PROM1: variants seen among roughly 807,000 people sequenced by gnomAD.
The protein encoded by PROM1 is prominin 1.
A neutral mutation model predicts 116.9 loss-of-function variants in PROM1; 105 were observed. The observed-to-expected ratio is 0.90, with a 90% CI of 0.77 to 1.06. The LOEUF (loss-of-function observed/expected upper bound fraction) is 1.06, where lower values mean the gene tolerates loss of function less well. PROM1 is among the 50% of genes least tolerant of loss of function. The pLI is 0.00. For synonymous variants in PROM1, 393 were observed against 387.0 expected, an observed-to-expected ratio of 1.02 and a Z score of -0.18; for missense variants, 1,122 against 1,045.2, an observed-to-expected ratio of 1.07 and a Z score of -1.01.
intron 2 of PROM1, among the ~76,000 whole-genome samples, chr4:16,064,460 A>C (rs1741057337): frequency 6.6e-6 from 1 of 152,196 alleles, no homozygotes; most frequent in Non-Finnish European, 1.5e-5. Context: ...GGAGACAGTG[A>C]CCAGGTAACA....
chr4:16,022,079 G>A (rs1256580270), intron 8 of PROM1, among the ~76,000 whole-genome samples: 2 of 151,488 alleles, frequency 1.3e-5, no homozygotes, highest in Non-Finnish European at 2.9e-5. Flanking sequence ...AAGGAGTAGG[G>A]GAGAGAGGGA....
chr4:16,010,394 A>G (rs1342775451), intron 11 of PROM1, among the ~76,000 whole-genome samples: 1 of 152,258 alleles, frequency 6.6e-6, no homozygotes. Flanking sequence ...AGCAGCAGAG[A>G]GACAAGATTA....
chr4:16,004,832 T>TTCTTCCTTCCTTC (rs1203366908), intron 13 of PROM1, among the ~76,000 whole-genome samples: 11 of 122,612 alleles, frequency 9.0e-5, no homozygotes, highest in African/African-American at 3.3e-4. Flanking sequence ...TCTTTCTTTT[T>TTCTTCCTTCCTTC]CTTCCTTCCT....
chr4:15,969,389 A>G (rs1234406110), intron 27 of PROM1, 21 bp from the exon 28 acceptor site: 1 of 152,170 alleles, frequency 6.6e-6, no homozygotes, highest in African/African-American at 2.4e-5. Flanking sequence ...AGTTAAACAC[A>G]ATTTTAGAAA....
intron 2 of PROM1, among the ~76,000 whole-genome samples, chr4:16,048,286 T>C (rs1736987090): frequency 6.6e-6 from 1 of 152,178 alleles, no homozygotes; most frequent in Non-Finnish European, 1.5e-5. Context: ...ACTGAGCCTA[T>C]TTCCTTATGC....
intron 5 of PROM1, among the ~76,000 whole-genome samples, chr4:16,032,321 C>T (rs1229957852): frequency 6.6e-6 from 1 of 152,176 alleles, no homozygotes; most frequent in Non-Finnish European, 1.5e-5. Context: ...TCTTATCAGA[C>T]CCCTGCTGGT....
intron 14 of PROM1, among the ~76,000 whole-genome samples, chr4:15,999,867 G>A (rs183689786): frequency 2.6e-4 from 40 of 151,610 alleles, no homozygotes; most frequent in African/African-American, 9.4e-4. Context: ...ACACAGAAAA[G>A]CCACAATTAG....
At chr4:16,024,416 G>T in intron 6 of PROM1, 58 bp from the exon 7 acceptor site, 2 of 1,396,226 alleles carry the variant, frequency 1.4e-6, no homozygotes, top group Non-Finnish European at 9.8e-7. Flanking sequence ...CAATAAGAGG[G>T]CAAAAAGAGA....
At chr4:16,024,538 C>T (rs1730751870) in intron 6 of PROM1, among the ~76,000 whole-genome samples, 180 bp from the exon 7 acceptor site, 1 of 152,214 alleles carries the variant, frequency 6.6e-6, no homozygotes, top group African/African-American at 2.4e-5. Context: ...CACATTTAGG[C>T]TGCTTCCTGC....
chr4:16,062,155 T>G (rs564156487), intron 2 of PROM1, among the ~76,000 whole-genome samples: 1 of 152,148 alleles, frequency 6.6e-6, no homozygotes, highest in South Asian at 2.1e-4. Flanking sequence ...CACCCCAAAG[T>G]GCTGGGATTA....
Position 16,075,694 on chromosome 4 carries a change from G to A in PROM1, c.213C>T (p.Phe71=). Residue 71 remains phenylalanine, a synonymous_variant, in exon 2 of 28, where the codon TTC becomes TTT. Transcript: ENST00000447510. The part of the protein sequence containing the change: ...IFLYVVQPRD[F]PEDTLRKFLQ... Reference sequence around the variant, plus strand: ...CCTGCCATCAGCACTTACCTTCTGGGAAATCACGCGGCTGTACCACATAGA... The same window carrying A: ...CCTGCCATCAGCACTTACCTTCTGGAAAATCACGCGGCTGTACCACATAGA... 6.2e-7 allele frequency: 1 copy of A among 1,611,486 alleles called. No individual in the cohort carries two copies. Among genetic ancestry groups the A allele is most frequent in the Admixed American group, 1.7e-5 (1 of 59,846 alleles).
intron 2 of PROM1, among the ~76,000 whole-genome samples, chr4:16,075,104 A>G (rs950505370): frequency 6.6e-6 from 1 of 152,234 alleles, no homozygotes; most frequent in Non-Finnish European, 1.5e-5. Context: ...AATGACAAAC[A>G]GCACTGTGTG....
chr4:15,978,495 A>G lies in PROM1; in HGVS notation c.2582+900T>C, dbSNP rs936761644. ...GCTTCTGGCCTGGGAGGCTCTAAAT[A>G]TAAATACCTGGTGTGAAGCCAAAGC... On this transcript the variant is annotated intron_variant, in intron 26 of 27. Coordinates refer to ENST00000447510, the MANE Select transcript of PROM1 (RefSeq NM_006017.3). Among the ~76,000 whole-genome samples the G allele has an allele frequency of 6.6e-5, 10 of 152,224 alleles. No individual in the cohort carries two copies. The South Asian group carries it at 2.1e-3, about 31-fold the overall frequency.
At chr4:16,070,224 T>C (rs1335892399) in intron 2 of PROM1, among the ~76,000 whole-genome samples, 1 of 152,172 alleles carries the variant, frequency 6.6e-6, no homozygotes, top group Non-Finnish European at 1.5e-5. Context: ...ACTTTAGGCA[T>C]TGAAGTCACT....
intron 26 of PROM1, among the ~76,000 whole-genome samples, chr4:15,977,791 G>C (rs1353286538): frequency 1.3e-5 from 2 of 152,114 alleles, no homozygotes; most frequent in Non-Finnish European, 2.9e-5. Flanking sequence ...GTAGAGACAA[G>C]GTTTCACCGT....
chr4:15,999,585 G>A (rs543254041), intron 14 of PROM1, among the ~76,000 whole-genome samples: 9 of 152,210 alleles, frequency 5.9e-5, no homozygotes, highest in African/African-American at 9.6e-5. Flanking sequence ...GAAATATCCC[G>A]TACTTAAGAA....
intron 13 of PROM1, among the ~76,000 whole-genome samples, chr4:16,003,812 C>T (rs1724500891): frequency 1.3e-5 from 2 of 152,314 alleles, no homozygotes; most frequent in Middle Eastern, 3.4e-3. Context: ...TAAAATGCTT[C>T]TGGGACCATC....
chr4:15,989,480 A>C (rs1179538721), intron 19 of PROM1, among the ~76,000 whole-genome samples: 2 of 152,254 alleles, frequency 1.3e-5, no homozygotes, highest in African/African-American at 4.8e-5. Context: ...AGCAATGGAA[A>C]CTAGAGCAAG....
rs886037612 is a variant in PROM1, at chr4:15,992,317, TC to T, written c.1841del (p.Gly614GlufsTer13). On this transcript the variant is annotated frameshift_variant, in exon 17 of 28. Coordinates refer to ENST00000447510, the MANE Select transcript of PROM1 (RefSeq NM_006017.3). LOFTEE classifies it high-confidence loss of function. ...NLNIFLLGAA[G>X]RKNLQDFAAC... The stretch of plus-strand genomic sequence containing the variant: ...CAGCAAAATCCTGAAGGTTTTTTCT[TC>T]CTGCTGCACCCAACAGAAAGATATT... The T allele has an allele frequency of 6.2e-7, 1 of 1,613,982 alleles. No homozygotes were observed. The highest frequency in any genetic ancestry group is 8.5e-7 in the Non-Finnish European group (1 of 1,179,892).
Sources: allele counts gnomAD v4.1 joint callset (sites outside exome capture counted in the v4.1 genomes callset), GRCh38; gene constraint gnomAD v4.1.1; transcripts MANE v1.5; gene names NCBI Gene and HGNC (gene_info 2026-07-23, HGNC 2026-07-21).